The following RGS4 variants were observed in gnomAD, a reference collection of about 807,000 sequenced individuals.
The protein encoded by RGS4 is schizophrenia disorder 9.
In RGS4, 15 loss-of-function variants were observed where a neutral mutation model predicts 21.6. The ratio of observed to expected loss-of-function variants is 0.69; its 90% CI spans 0.46 to 1.07. The LOEUF (loss-of-function observed/expected upper bound fraction) is 1.07, where lower values mean the gene tolerates loss of function less well. Ranked by LOEUF, RGS4 falls within the 50% of genes least tolerant of loss-of-function variation. RGS4 has a pLI of 0.00. For synonymous variants in RGS4, 94 were observed against 85.5 expected (o/e 1.10, Z -0.55); for missense variants, 237 against 239.0 (o/e 0.99, Z 0.06).
intron 1 of RGS4, among the ~76,000 whole-genome samples, chr1:163,070,341 A>C (rs1189876639): frequency 6.6e-6 from 1 of 152,196 alleles, no homozygotes; most frequent in South Asian, 2.1e-4. Flanking sequence ...ACACAAAATG[A>C]GTGCATATTA....
intron 1 of RGS4, among the ~76,000 whole-genome samples, chr1:163,070,092 C>T (rs988775322): frequency 6.6e-6 from 1 of 152,106 alleles, no homozygotes; most frequent in Non-Finnish European, 1.5e-5. Flanking sequence ...TCTCTCTGCC[C>T]CATCTCTAGT....
Position 163,074,353 on chromosome 1 carries a change from A to C in RGS4, c.411A>C (p.Thr137=). The change falls in exon 5 of 5, where the codon ACA becomes ACC. Residue 137 remains threonine (T), a synonymous_variant. Transcript: ENST00000367909. The part of the protein sequence containing the change: ...VNLDSCTREE[T]SRNMLEPTIT... ...TGGATTCTTGCACCAGGGAAGAGAC[A>C]AGCCGGAACATGCTAGAGCCTACAA... 1 of 1,613,878 alleles carries C rather than the reference A, an allele frequency of 6.2e-7. No individual in the cohort carries two copies. Among genetic ancestry groups the C allele is most frequent in the Non-Finnish European group, 8.5e-7 (1 of 1,179,814 alleles).
chr1:163,070,795 G>A (rs1655274752), intron 1 of RGS4: 1 of 152,156 alleles, frequency 6.6e-6, no homozygotes, highest in Admixed American at 6.5e-5. Flanking sequence ...AATCTAAGGA[G>A]GTAAACTCTA....
chr1:163,073,465 C>A lies in RGS4; in HGVS notation c.221C>A (p.Ala74Glu), dbSNP rs1003947845. The part of the protein sequence containing the change: ...ENLISHECGL[A>E]AFKAFLKSEY... ...TTCTCCTGTATCATAGGTGGGCTGG[C>A]AGCTTTCAAAGCTTTCTTGAAGTCT... Residue 74 changes from alanine to glutamate, a missense_variant, in exon 4 of 5, where the codon GCA becomes GAA. Physicochemically the swap from Ala to Glu is moderately radical, Grantham distance 107 (BLOSUM62 -1). Transcript: ENST00000367909. The A allele has an allele frequency of 2.5e-6, 4 of 1,579,032 alleles. No homozygotes were observed. Among genetic ancestry groups the A allele is most frequent in the Non-Finnish European group, 3.4e-6 (4 of 1,168,096 alleles).
In RGS4 at chr1:163,075,024, T is replaced by C; in HGVS notation, c.*464T>C. 3.4e-6 allele frequency: 1 copy of C among 298,290 alleles called. No homozygotes were observed. The highest frequency in any genetic ancestry group is 6.3e-6 in the Non-Finnish European group (1 of 158,746). The allele number at this position is 298,290 out of a possible 1,614,324, so 18.5% of individuals were successfully genotyped here. ...TGTGTATGTCTATGTGTATATATTA[T>C]ATATACATTAGACACACATATACAT... On this transcript the variant is annotated 3_prime_UTR_variant, in exon 5 of 5. Transcript: ENST00000367909.
chr1:163,068,978 G>A (rs151032270), upstream of RGS4: 40 of 1,607,032 alleles, frequency 2.5e-5, no homozygotes, highest in African/African-American at 4.8e-4. Flanking sequence ...AAAGGCATTG[G>A]GAGTCAGCTC....
chr1:163,071,872 C>CCCCCA (rs1655325925), intron 1 of RGS4: 1 of 65,820 alleles, frequency 1.5e-5, no homozygotes, highest in Non-Finnish European at 3.7e-5. Flanking sequence ...CCCCCCCCCC[C>CCCCCA]CAACATACAT....
intron 1 of RGS4, 62 bp from the exon 2 acceptor site, chr1:163,072,333 T>A: frequency 1.6e-6 from 2 of 1,250,980 alleles, no homozygotes; most frequent in Non-Finnish European, 2.3e-6. Context: ...AGCTCTACCA[T>A]TAGGTATCTT....
At chr1:163,073,952 T>C in intron 4 of RGS4, 1 of 364,316 alleles carries the variant, frequency 2.7e-6, no homozygotes. Flanking sequence ...TCTCTGGATC[T>C]TAGTGAAGGT....
rs1655424644 is a variant in RGS4, at chr1:163,074,330, G to A, written c.388G>A (p.Asp130Asn). The A allele has an allele frequency of 6.2e-7, 1 of 1,613,718 alleles. No individual in the cohort carries two copies. The highest frequency in any genetic ancestry group is 2.2e-5 in the East Asian group (1 of 44,858). Residue 130 changes from aspartate to asparagine, a missense_variant, in exon 5 of 5, where the codon GAT becomes AAT. Transcript: ENST00000367909. ...SVQATKEVNLDSCTREETSRN... is the reference protein window; with the variant it reads ...SVQATKEVNLNSCTREETSRN... ...GGCCTTTGCCCCTCAGGTGAACCTG[G>A]ATTCTTGCACCAGGGAAGAGACAAG...
intron 1 of RGS4, 77 bp from the exon 2 acceptor site, chr1:163,072,318 C>A: frequency 8.6e-7 from 1 of 1,163,602 alleles, no homozygotes; most frequent in Non-Finnish European, 1.2e-6. Context: ...GTAATGGACT[C>A]TTCAAGCTCT....
upstream of RGS4, chr1:163,069,338 G>A: frequency 1.3e-6 from 2 of 1,552,736 alleles, no homozygotes; most frequent in Non-Finnish European, 1.7e-6. Flanking sequence ...GGCTATAAAA[G>A]AGACCCCTAC....
At chr1:163,071,830 C>G (rs1325338038) in intron 1 of RGS4, 1 of 141,042 alleles carries the variant, frequency 7.1e-6, no homozygotes, top group African/African-American at 2.9e-5. Flanking sequence ...TATTCTCCCT[C>G]TATACCTCAC....
In RGS4 at chr1:163,074,778, C is replaced by G. The variant is rs1175899031; in HGVS notation, c.*218C>G. ...GGGACCCCATTCCAGTCCAATTTTC[C>G]TAAGTTTCTTTGAGGGTTCCATGGG... On this transcript the variant is annotated 3_prime_UTR_variant, in exon 5 of 5. Coordinates refer to ENST00000367909, the MANE Select transcript of RGS4 (RefSeq NM_005613.6). 4.4e-6 allele frequency: 3 copies of G among 685,890 alleles called. No individual in the cohort carries two copies. The highest frequency in any genetic ancestry group is 5.1e-6 in the Non-Finnish European group (2 of 396,032). The allele number at this position is 685,890 out of a possible 1,614,324, so 42.5% of individuals were successfully genotyped here.
chr1:163,072,584 T>C, intron 2 of RGS4, 85 bp downstream of exon 2: 1 of 1,061,472 alleles, frequency 9.4e-7, no homozygotes, highest in Non-Finnish European at 1.4e-6. Flanking sequence ...CTTGTGCTCC[T>C]AGTTAAGCCA....
At chr1:163,073,761 G>T (rs1655406479) in intron 4 of RGS4, 139 bp downstream of exon 4, 1 of 580,522 alleles carries the variant, frequency 1.7e-6, no homozygotes, top group Admixed American at 3.6e-5. Flanking sequence ...ATTTCTACGT[G>T]TTGAGAACAT....
Position 163,072,754 on chromosome 1 carries a change from A to T in RGS4, c.150-51A>T, listed in dbSNP as rs533026035. 111 of 1,521,832 alleles carry T rather than the reference A, an allele frequency of 7.3e-5. 1 individual carries two copies. In the East Asian group the frequency reaches 1.6e-3, roughly 22 times the overall value. 94.3% of individuals were successfully genotyped at this position (1,521,832 alleles called of 1,614,324 possible). A position where few individuals can be genotyped will look rare whatever the true frequency, so the allele number is the denominator to read the frequency against. The stretch of plus-strand genomic sequence containing the variant: ...TCAGGATCTTAGATTTCTTGCCCCA[A>T]TTTTTTTACCATGGCATTCCAATTA... On this transcript the variant is annotated intron_variant, in intron 2 of 4. Transcript: ENST00000367909.
upstream of RGS4, chr1:163,069,080 A>G (rs759201220): frequency 2.2e-4 from 334 of 1,535,296 alleles, no homozygotes; most frequent in Middle Eastern, 1.8e-3. Context: ...AATAAAAACT[A>G]TATTTTGCAG....
rs1307631640 is a variant in RGS4, at chr1:163,072,479, C to A, written c.129C>A (p.Asp43Glu). Residue 43 changes from aspartate (D) to glutamate (E), a missense_variant, in exon 2 of 5, where the codon GAC (aspartate) becomes GAA (glutamate). Physicochemically the swap from Asp to Glu is conservative, Grantham distance 45 (BLOSUM62 2). Coordinates refer to ENST00000367909, the MANE Select transcript of RGS4 (RefSeq NM_005613.6). The part of the protein sequence containing the change: ...CEHNSSHNKK[D>E]KVVICQRVSQ... ...ACAATTCTTCCCACAACAAGAAGGA[C>A]AAAGTGGTTATTTGCCAGAGGTAAG... is the stretch of plus-strand genomic sequence containing the variant. The A allele has an allele frequency of 6.2e-7, 1 of 1,612,214 alleles. No homozygotes were observed. The highest frequency in any genetic ancestry group is 1.7e-5 in the Admixed American group (1 of 59,894).
Sources: gnomAD v4.1 joint callset for allele counts (sites outside exome capture counted in the v4.1 genomes callset) on GRCh38, gnomAD v4.1.1 for gene constraint, MANE v1.5 for transcripts, NCBI Gene and HGNC (gene_info 2026-07-23, HGNC 2026-07-21) for gene names.